Variants in IFRD1 observed in about 807,000 individuals in gnomAD.
IFRD1 encodes the protein interferon related developmental regulator 1.
IFRD1 carries 35 observed loss-of-function variants against 52.9 expected under a neutral mutation model. The ratio of observed to expected loss-of-function variants is 0.66; its 90% CI spans 0.51 to 0.88. The LOEUF (loss-of-function observed/expected upper bound fraction) is 0.88. Ranked by LOEUF, IFRD1 falls within the 40% of genes least tolerant of loss-of-function variation. IFRD1 has a pLI of 0.00. For synonymous variants in IFRD1, 184 were observed against 188.4 expected (o/e 0.98, Z 0.19); for missense variants, 517 against 550.8 (o/e 0.94, Z 0.61).
intron 11 of IFRD1, 51 bp from the exon 12 acceptor site, chr7:112,475,379 A>C (rs1795874047): frequency 9.8e-7 from 1 of 1,021,262 alleles, no homozygotes; most frequent in African/African-American, 1.6e-5. Flanking sequence ...TCTGTTTTGT[A>C]AGAATATCTT....
chr7:112,472,502 C>G (rs1795775703), intron 10 of IFRD1, among the ~76,000 whole-genome samples, 155 bp downstream of exon 10: 1 of 152,206 alleles, frequency 6.6e-6, no homozygotes, highest in Admixed American at 6.5e-5. Flanking sequence ...TTGAATAAAT[C>G]TGAAGCTGTT....
At chr7:112,469,243 CCA>C (rs1795687077) in intron 9 of IFRD1, among the ~76,000 whole-genome samples, 1 of 152,116 alleles carries the variant, frequency 6.6e-6, no homozygotes, top group African/African-American at 2.4e-5. Context: ...CACCCCAGAT[CCA>C]GTTTTAATAT....
At position 112,450,536 on chromosome 7, in the gene IFRD1, C is replaced by G. The variant is rs1360229616; in HGVS notation, c.-153C>G. 1 of 667,780 alleles carries G rather than the reference C, an allele frequency of 1.5e-6. No individual in the cohort carries two copies. 41.4% of individuals were successfully genotyped at this position (667,780 alleles called of 1,614,324 possible). ...TTCACGGGGATTTCTGCTGCCGCCA[C>G]CGCCCACTCTTACCCCCGCCGCTTC... On this transcript the variant is annotated 5_prime_UTR_variant, in exon 1 of 12. Transcript: ENST00000403825.
rs1383286499 is a variant in IFRD1, at chr7:112,477,003, C to G, written c.*1484C>G. 1 of 152,102 alleles carries G rather than the reference C, an allele frequency of 6.6e-6. No homozygotes were observed. Among genetic ancestry groups the G allele is most frequent in the Non-Finnish European group, 1.5e-5 (1 of 68,028 alleles). 9.4% of individuals were successfully genotyped at this position (152,102 alleles called of 1,614,324 possible). On this transcript the variant is annotated 3_prime_UTR_variant, in exon 12 of 12. Coordinates refer to ENST00000403825, the MANE Select transcript of IFRD1 (RefSeq NM_001550.4). ...GGAGTCACTGTTGCTGAGTCCCATC[C>G]CCCAGTTACAGTGCAGTGGAAAACA...
upstream of IFRD1, among the ~76,000 whole-genome samples, chr7:112,447,645 T>G (rs931574180): frequency 6.6e-6 from 1 of 152,234 alleles, no homozygotes; most frequent in Non-Finnish European, 1.5e-5. Context: ...CCTGTTCCCT[T>G]TCGTGCTTCC....
intron 1 of IFRD1, chr7:112,452,028 A>G (rs1795177767): frequency 2.0e-6 from 2 of 980,556 alleles, no homozygotes; most frequent in Non-Finnish European, 2.4e-6. Flanking sequence ...TAAAACAGCA[A>G]TTTTTTACAT....
In IFRD1 at chr7:112,468,066, A is replaced by G. The variant is rs1160858835; in HGVS notation, c.992A>G (p.Asp331Gly). The stretch of plus-strand genomic sequence containing the variant: ...GGAAATAAACACCGGGCCAAAGTGG[A>G]CAAGAGAAAGCAGCGGTCAGTTTTC... ...TDGNKHRAKV[D>G]KRKQRSVFRD... is the part of the protein sequence containing the mutation. The change falls in exon 9 of 12, where the codon GAC becomes GGC. Residue 331 changes from aspartate (D) to glycine (G), a missense_variant. Asp to Gly is a moderately conservative substitution (Grantham distance 94, BLOSUM62 -1). Transcript: ENST00000403825. 5 of 1,614,004 alleles carry G rather than the reference A, an allele frequency of 3.1e-6. No individual in the cohort carries two copies. Among genetic ancestry groups the G allele is most frequent in the Non-Finnish European group, 4.2e-6 (5 of 1,179,988 alleles).
In IFRD1 at chr7:112,455,235, G is replaced by C. The variant is rs368549875; in HGVS notation, c.95-528G>C. On this transcript the variant is annotated intron_variant, in intron 1 of 11. Coordinates refer to ENST00000403825, the MANE Select transcript of IFRD1 (RefSeq NM_001550.4). The stretch of plus-strand genomic sequence containing the variant: ...TCAGTGGCTCACACCTGTAATCTCA[G>C]CACTTTGGGAGGCCGAAGTGGGTGG... Among the ~76,000 whole-genome samples the C allele has an allele frequency of 3.3e-5, 5 of 151,918 alleles. No individual in the cohort carries two copies. In the East Asian group the frequency reaches 9.8e-4, roughly 30 times the overall value.
chr7:112,434,709 C>A (rs1794630553), intron 1 of IFRD1, among the ~76,000 whole-genome samples: 2 of 152,132 alleles, frequency 1.3e-5, no homozygotes, highest in Admixed American at 6.5e-5. Context: ...TTCAACTACA[C>A]AATATTTTTG....
intron 1 of IFRD1, among the ~76,000 whole-genome samples, chr7:112,442,262 A>G (rs986275385): frequency 1.2e-4 from 19 of 152,122 alleles, no homozygotes; most frequent in African/African-American, 3.9e-4. Context: ...TCTCCTGTTA[A>G]CCACTTTATC....
chr7:112,445,094 T>A (rs1425131423), intron 1 of IFRD1, among the ~76,000 whole-genome samples: 2 of 127,404 alleles, frequency 1.6e-5, no homozygotes, highest in Non-Finnish European at 3.2e-5. Context: ...TGAAACAGGG[T>A]CTCGCTCTGT....
exon 1 of IFRD1, chr7:112,423,390 T>C (rs2117212949): frequency 6.6e-6 from 1 of 152,322 alleles, no homozygotes; most frequent in East Asian, 1.9e-4. Context: ...TGCGAAGAAC[T>C]TTACGTGGAC....
chr7:112,452,037 A>AT (rs1322759211), intron 1 of IFRD1: 1 of 981,280 alleles, frequency 1.0e-6, no homozygotes, highest in Non-Finnish European at 1.2e-6. Flanking sequence ...AATTTTTTAC[A>AT]TTTTTTAGGT....
Position 112,476,024 on chromosome 7 carries a change from T to C in IFRD1, c.*505T>C, listed in dbSNP as rs1024706088. ...AAAGGAATTATACCATGAGACCTTA[T>C]AGCTGTACTTAAAAGCCATTCAGTT... On this transcript the variant is annotated 3_prime_UTR_variant, in exon 12 of 12. Coordinates refer to ENST00000403825, the MANE Select transcript of IFRD1 (RefSeq NM_001550.4). 13 of 158,076 alleles carry C rather than the reference T, an allele frequency of 8.2e-5. No homozygotes were observed. Among genetic ancestry groups the C allele is most frequent in the Admixed American group, 2.5e-4 (4 of 15,958 alleles). The allele number at this position is 158,076 out of a possible 1,614,324, so 9.8% of individuals were successfully genotyped here. A position where few individuals can be genotyped will look rare whatever the true frequency, so the allele number is the denominator to read the frequency against.
intron 1 of IFRD1, among the ~76,000 whole-genome samples, chr7:112,453,299 A>T (rs1302814195): frequency 2.0e-5 from 3 of 152,220 alleles, no homozygotes; most frequent in Non-Finnish European, 4.4e-5. Context: ...TTTAAGAAAG[A>T]ACAAAACCTT....
In IFRD1 at chr7:112,455,776, A is replaced by G. The variant is rs761255619; in HGVS notation, c.108A>G (p.Arg36=). The change falls in exon 2 of 12, where the codon CGA becomes CGG. Residue 36 remains arginine, a synonymous_variant. Coordinates refer to ENST00000403825, the MANE Select transcript of IFRD1 (RefSeq NM_001550.4). ...TTTACCTAATAGGTGGCCAGCATCG[A>G]AATGTTCAGCCTTTTAGTGATGAAG... ...ATAATAGGQH[R]NVQPFSDEDA... is the part of the protein sequence containing the mutation. 1.2e-6 allele frequency: 2 copies of G among 1,610,416 alleles called. No homozygotes were observed. The highest frequency in any genetic ancestry group is 1.7e-6 in the Non-Finnish European group (2 of 1,176,694).
chr7:112,466,130 C>A, intron 8 of IFRD1, among the ~76,000 whole-genome samples: 1 of 151,840 alleles, frequency 6.6e-6, no homozygotes, highest in East Asian at 1.9e-4. Context: ...GAGCTCATTT[C>A]TTATTTGTCC....
Position 112,468,002 on chromosome 7 carries a change from G to C in IFRD1, c.928G>C (p.Glu310Gln). 2.5e-6 allele frequency: 4 copies of C among 1,614,016 alleles called. No individual in the cohort carries two copies. Among genetic ancestry groups the C allele is most frequent in the Non-Finnish European group, 3.4e-6 (4 of 1,179,932 alleles). The change falls in exon 9 of 12, where the codon GAG (glutamate) becomes CAG (glutamine). Residue 310 changes from glutamate to glutamine, a missense_variant. Physicochemically the swap from Glu to Gln is conservative, Grantham distance 29. Coordinates refer to ENST00000403825, the MANE Select transcript of IFRD1 (RefSeq NM_001550.4). ...CCAGGACTTTTTTTATGAAGACATG[G>C]AGTCCTTGACGCAGATGCTTAGGGC... ...IESDFFYEDM[E>Q]SLTQMLRALA...
chr7:112,452,791 G>C (rs1314242784), intron 1 of IFRD1, among the ~76,000 whole-genome samples: 1 of 152,162 alleles, frequency 6.6e-6, no homozygotes, highest in Admixed American at 6.5e-5. Flanking sequence ...TAGTAGAAAA[G>C]ATCCATTTCA....
Sources: allele counts gnomAD v4.1 joint callset (sites outside exome capture counted in the v4.1 genomes callset), GRCh38; gene constraint gnomAD v4.1.1; transcripts MANE v1.5; gene names NCBI Gene and HGNC (gene_info 2026-07-23, HGNC 2026-07-21).